Variants in MTUS1 observed in about 807,000 individuals in gnomAD.
MTUS1 encodes microtubule associated scaffold protein 1.
Under a neutral mutation model 120.8 loss-of-function variants are expected in MTUS1, and 109 were observed. That is an observed-to-expected ratio of 0.90 (90% confidence interval 0.77 to 1.06). The LOEUF (loss-of-function observed/expected upper bound fraction) is 1.06, where lower values mean the gene tolerates loss of function less well. Ranked by LOEUF, MTUS1 falls within the 50% of genes least tolerant of loss-of-function variation. The pLI, the probability that MTUS1 is intolerant of heterozygous loss-of-function variation, is 0.00. For missense variants in MTUS1, 2,210 were observed against 1,486.3 expected (o/e 1.49, Z -8.01); for synonymous variants, 737 against 550.5 (o/e 1.34, Z -4.74).
At chr8:17,742,330 T>C (rs942976963) in intron 3 of MTUS1, among the ~76,000 whole-genome samples, 1 of 146,628 alleles carries the variant, frequency 6.8e-6, no homozygotes, top group African/African-American at 2.6e-5. Context: ...TGTCTTGCTA[T>C]GTTGCCCAGG....
At chr8:17,799,441 T>G (rs538671285) in intron 1 of MTUS1, among the ~76,000 whole-genome samples, 2 of 152,232 alleles carry the variant, frequency 1.3e-5, no homozygotes, top group South Asian at 4.1e-4. Context: ...AACAAGTATT[T>G]TCTTAAATAT....
At chr8:17,740,421 T>C (rs1387170662) in intron 3 of MTUS1, among the ~76,000 whole-genome samples, 3 of 152,210 alleles carry the variant, frequency 2.0e-5, no homozygotes, top group African/African-American at 7.2e-5. Context: ...TGTGAGTCAG[T>C]ATGGTGGATA....
intron 1 of MTUS1, among the ~76,000 whole-genome samples, chr8:17,785,384 G>C (rs560563005): frequency 5.4e-4 from 82 of 152,306 alleles, no homozygotes; most frequent in African/African-American, 1.9e-3. Context: ...CTGAGACTAA[G>C]GCATAGGCAG....
chr8:17,723,647 G>A lies in MTUS1; in HGVS notation c.2449+25C>T, dbSNP rs767137293. ...TGTAATGACTGTTTCCACAACCCCCGAAGTGTGATATAAAGTCGACTTACA... is the reference window on the plus strand; with the variant it reads ...TGTAATGACTGTTTCCACAACCCCCAAAGTGTGATATAAAGTCGACTTACA... On this transcript the variant is annotated intron_variant, in intron 4 of 14. Coordinates refer to ENST00000693296, the MANE Select transcript of MTUS1 (RefSeq NM_001363059.2). The A allele has an allele frequency of 2.1e-5, 33 of 1,597,808 alleles. 1 individual carries two copies. The highest frequency in any genetic ancestry group is 8.0e-5 in the African/African-American group (6 of 74,726).
intron 8 of MTUS1, chr8:17,674,516 T>C (rs1170433434): frequency 2.0e-6 from 2 of 984,656 alleles, no homozygotes; most frequent in African/African-American, 1.8e-5. Context: ...CAGGAGAGAA[T>C]GGAACTAAAA....
chr8:17,743,694 C>T lies in MTUS1; in HGVS notation c.2197G>A (p.Val733Ile). The T allele has an allele frequency of 2.5e-6, 4 of 1,614,126 alleles. No homozygotes were observed. Among genetic ancestry groups the T allele is most frequent in the Non-Finnish European group, 3.4e-6 (4 of 1,180,024 alleles). Residue 733 changes from valine to isoleucine, a missense_variant, in exon 3 of 15, where the codon GTT becomes ATT. Transcript: ENST00000693296. Reference sequence around the variant, plus strand: ...TCACTGTTCCGCCTCAAACAGGAAACAGGGGGCCCCACTTTGGCTTTTGGA... The same window carrying T: ...TCACTGTTCCGCCTCAAACAGGAAATAGGGGGCCCCACTTTGGCTTTTGGA... ...AAPKAKVGPP[V>I]SCLRRNSDNR...
chr8:17,706,554 A>G lies in MTUS1; in HGVS notation c.2623+6660T>C, dbSNP rs1353533403. ...ATAATATCCAATGTTGACCCAAGGT[A>G]TGATGAAGCCAGGTGTCTTTTATGT... On this transcript the variant is annotated intron_variant, in intron 6 of 14. Coordinates refer to ENST00000693296, the MANE Select transcript of MTUS1 (RefSeq NM_001363059.2). Among the ~76,000 whole-genome samples the G allele has an allele frequency of 4.3e-4, 65 of 152,248 alleles. 1 individual carries two copies.
intron 3 of MTUS1, among the ~76,000 whole-genome samples, chr8:17,735,711 G>C (rs2046877930): frequency 6.6e-6 from 1 of 152,220 alleles, no homozygotes; most frequent in Non-Finnish European, 1.5e-5. Flanking sequence ...CCTTTACTGT[G>C]GATACACAGT....
intron 8 of MTUS1, among the ~76,000 whole-genome samples, chr8:17,658,301 A>G (rs1306694479): frequency 2.0e-5 from 3 of 152,152 alleles, no homozygotes; most frequent in African/African-American, 4.8e-5. Context: ...CCCAGTTAAT[A>G]TATTTTAAAA....
In MTUS1 at chr8:17,723,691, C is replaced by T. The variant is rs773784531; in HGVS notation, c.2430G>A (p.Leu810=). 1.2e-6 allele frequency: 2 copies of T among 1,610,836 alleles called. No homozygotes were observed. The highest frequency in any genetic ancestry group is 1.7e-5 in the Admixed American group (1 of 59,902). Residue 810 remains leucine, a synonymous_variant, in exon 4 of 15, where the codon CTG becomes CTA. Coordinates refer to ENST00000693296, the MANE Select transcript of MTUS1 (RefSeq NM_001363059.2). ...ACTTACAATTGTTGCTGTAAGTGCTCAGCTCACTGTGGGTGCTGGCTATTG... is the reference window on the plus strand; with the variant it reads ...ACTTACAATTGTTGCTGTAAGTGCTTAGCTCACTGTGGGTGCTGGCTATTG... ...TPSIASTHSE[L]STYSNNSGNA...
At chr8:17,720,271 G>A (rs1215687805) in intron 4 of MTUS1, among the ~76,000 whole-genome samples, 1 of 151,860 alleles carries the variant, frequency 6.6e-6, no homozygotes, top group Non-Finnish European at 1.5e-5. Context: ...CTTGAACCCG[G>A]GAGGCAGAGG....
At chr8:17,689,853 T>A (rs1318571738) in intron 6 of MTUS1, among the ~76,000 whole-genome samples, 1 of 135,758 alleles carries the variant, frequency 7.4e-6, no homozygotes, top group South Asian at 2.2e-4. Context: ...GACCTATCTC[T>A]TATCATATGC....
In MTUS1 at chr8:17,754,684, T is replaced by C; in HGVS notation, c.1124A>G (p.Glu375Gly). 6.2e-7 allele frequency: 1 copy of C among 1,614,240 alleles called. No individual in the cohort carries two copies. Among genetic ancestry groups the C allele is most frequent in the Non-Finnish European group, 8.5e-7 (1 of 1,180,036 alleles). The stretch of plus-strand genomic sequence containing the variant: ...TCCTTTGGAGACCATTTGTGTGTCT[T>C]CAGTCTCAGTGACTTTATGCTCTGG... ...LNPEHKVTET[E>G]DTQMVSKGKD... The change falls in exon 2 of 15, where the codon GAA (glutamate) becomes GGA (glycine). Residue 375 changes from glutamate to glycine, a missense_variant. By Grantham distance (98) the Glu-to-Gly change is moderately conservative. Transcript: ENST00000693296.
chr8:17,722,471 A>G (rs1458732678), intron 4 of MTUS1: 1 of 985,190 alleles, frequency 1.0e-6, no homozygotes, highest in Admixed American at 6.2e-5. Context: ...TTTGTGCCAC[A>G]CCTTCAAAAT....
At chr8:17,679,511 ATTTATT>A (rs775047785) in intron 7 of MTUS1, among the ~76,000 whole-genome samples, 1,676 of 42,326 alleles carry the variant, frequency 0.04, 16 homozygotes, top group Non-Finnish European at 0.079. Flanking sequence ...TTATTTATTT[ATTTATT>A]TTTTGAGACA....
At chr8:17,740,152 G>A (rs1277486464) in intron 3 of MTUS1, among the ~76,000 whole-genome samples, 2 of 151,478 alleles carry the variant, frequency 1.3e-5, no homozygotes, top group Non-Finnish European at 2.9e-5. Context: ...AGGTTGCAGT[G>A]ATCCGAGATT....
chr8:17,664,569 T>G (rs1810483611), intron 8 of MTUS1, among the ~76,000 whole-genome samples: 1 of 150,756 alleles, frequency 6.6e-6, no homozygotes, highest in Non-Finnish European at 1.5e-5. Flanking sequence ...GAAACCGGCC[T>G]CCTCCTCTCA....
At chr8:17,777,823 T>G (rs138187440) in intron 1 of MTUS1, among the ~76,000 whole-genome samples, 8 of 152,312 alleles carry the variant, frequency 5.3e-5, no homozygotes, top group East Asian at 1.9e-4. Flanking sequence ...TCAGTATATT[T>G]TCCACATCTG....
intron 7 of MTUS1, 57 bp from the exon 8 acceptor site, chr8:17,675,309 G>A (rs1468988777): frequency 1.3e-6 from 2 of 1,496,140 alleles, no homozygotes; most frequent in African/African-American, 2.8e-5. Context: ...TTTCAGTAAG[G>A]TACACATTTG....
Sources: allele counts gnomAD v4.1 joint callset (sites outside exome capture counted in the v4.1 genomes callset), GRCh38; gene constraint gnomAD v4.1.1; transcripts MANE v1.5; gene names NCBI Gene and HGNC (gene_info 2026-07-23, HGNC 2026-07-21).